Variants in PDZRN3 observed in about 807,000 individuals in gnomAD.
PDZRN3 encodes the protein PDZ domain containing ring finger 3.
In PDZRN3, 38 loss-of-function variants were observed where a neutral mutation model predicts 85.7. That is an observed-to-expected ratio of 0.44 (90% CI 0.34 to 0.58). The LOEUF is 0.58. Among genes scored for constraint, PDZRN3 ranks in the 20% least tolerant of loss-of-function variants. The pLI is 0.01. For synonymous variants in PDZRN3, 759 were observed against 638.0 expected (o/e 1.19, Z -2.86); for missense variants, 1,629 against 1,506.4 (o/e 1.08, Z -1.35).
chr3:73,594,537 A>G (rs970214882), intron 3 of PDZRN3, among the ~76,000 whole-genome samples: 1 of 152,204 alleles, frequency 6.6e-6, no homozygotes, highest in Admixed American at 6.5e-5. Flanking sequence ...AGCAGTAAAT[A>G]CTCCTCCCAT....
At chr3:73,541,877 T>C (rs920009144) in intron 3 of PDZRN3, among the ~76,000 whole-genome samples, 3 of 152,072 alleles carry the variant, frequency 2.0e-5, no homozygotes, top group African/African-American at 7.2e-5. Flanking sequence ...TCATACTATG[T>C]AAATGTTTGT....
At chr3:73,560,348 A>G (rs1701790989) in intron 3 of PDZRN3, among the ~76,000 whole-genome samples, 1 of 152,200 alleles carries the variant, frequency 6.6e-6, no homozygotes, top group African/African-American at 2.4e-5. Context: ...AGAGAGAGTG[A>G]GCGGAATAAG....
At chr3:73,527,339 C>T (rs1704548567) in intron 3 of PDZRN3, among the ~76,000 whole-genome samples, 1 of 152,104 alleles carries the variant, frequency 6.6e-6, no homozygotes, top group African/African-American at 2.4e-5. Context: ...TTTAAGGCCA[C>T]AAGTTATACT....
intron 3 of PDZRN3, among the ~76,000 whole-genome samples, chr3:73,476,873 G>C (rs937242764): frequency 6.6e-6 from 1 of 152,162 alleles, no homozygotes; most frequent in African/African-American, 2.4e-5. Flanking sequence ...CCAGTAGACA[G>C]CTTGACTGCA....
intron 1 of PDZRN3, among the ~76,000 whole-genome samples, chr3:73,609,634 T>G (rs1375577200): frequency 6.6e-6 from 1 of 152,248 alleles, no homozygotes; most frequent in Non-Finnish European, 1.5e-5. Context: ...TATTTAAACA[T>G]GGTAGTATTC....
chr3:73,549,982 G>C (rs1020358745), intron 3 of PDZRN3, among the ~76,000 whole-genome samples: 1 of 152,208 alleles, frequency 6.6e-6, no homozygotes, highest in Non-Finnish European at 1.5e-5. Flanking sequence ...CTGGCTGCCT[G>C]TTAGTGCAGA....
At chr3:73,595,546 A>G (rs1490206949) in intron 3 of PDZRN3, among the ~76,000 whole-genome samples, 1 of 152,228 alleles carries the variant, frequency 6.6e-6, no homozygotes, top group Non-Finnish European at 1.5e-5. Flanking sequence ...ATGAAAGAAA[A>G]TGAAAAAATA....
intron 1 of PDZRN3, among the ~76,000 whole-genome samples, chr3:73,610,354 A>C (rs1302008033): frequency 6.6e-6 from 1 of 152,232 alleles, no homozygotes; most frequent in Non-Finnish European, 1.5e-5. Context: ...GGTTTTTAAA[A>C]AATGTTCTGA....
In PDZRN3 at chr3:73,560,875, G is replaced by A. The variant is rs78340193; in HGVS notation, c.918+41479C>T. 4.8e-3 allele frequency among the ~76,000 whole-genome samples: 730 copies of A among 152,262 alleles called. 1 individual carries two copies. Among genetic ancestry groups the A allele is most frequent in the African/African-American group, 0.017 (706 of 41,560 alleles). ...GGTGACTGACAATGAGTCACGGCTC[G>A]TGCACATGAAATGCGTTTGGCACAT... On this transcript the variant is annotated intron_variant, in intron 3 of 9. Coordinates refer to ENST00000263666, the MANE Select transcript of PDZRN3 (RefSeq NM_015009.3).
intron 1 of PDZRN3, among the ~76,000 whole-genome samples, chr3:73,622,187 G>A (rs1282780241): frequency 1.3e-5 from 2 of 152,194 alleles, no homozygotes; most frequent in African/African-American, 4.8e-5. Flanking sequence ...GTGCCTGTGA[G>A]GTCCTGGGCA....
intron 1 of PDZRN3, among the ~76,000 whole-genome samples, chr3:73,618,231 G>A (rs750673940): frequency 6.6e-6 from 1 of 152,124 alleles, no homozygotes; most frequent in Non-Finnish European, 1.5e-5. Context: ...TAAGAGCACC[G>A]ACCTTGCAGG....
chr3:73,582,512 T>C (rs901890723), intron 3 of PDZRN3, among the ~76,000 whole-genome samples: 1 of 152,160 alleles, frequency 6.6e-6, no homozygotes, highest in Admixed American at 6.5e-5. Flanking sequence ...TTTATATATA[T>C]ATATACAGTT....
chr3:73,402,875 C>A (rs1388288480), intron 4 of PDZRN3, among the ~76,000 whole-genome samples: 5 of 151,446 alleles, frequency 3.3e-5, no homozygotes, highest in African/African-American at 1.2e-4. Flanking sequence ...TGAGAAAACA[C>A]AGGGGCGACC....
intron 3 of PDZRN3, among the ~76,000 whole-genome samples, chr3:73,487,170 C>T (rs1703679006): frequency 6.6e-6 from 1 of 152,010 alleles, no homozygotes; most frequent in South Asian, 2.1e-4. Context: ...TCAATAACTT[C>T]AATATCTCTA....
intron 3 of PDZRN3, among the ~76,000 whole-genome samples, chr3:73,414,024 G>A (rs985583328): frequency 6.6e-6 from 1 of 152,130 alleles, no homozygotes; most frequent in Non-Finnish European, 1.5e-5. Context: ...TTGTCTCAAT[G>A]TGTTTGCCCT....
chr3:73,477,965 A>G (rs1213526977), intron 3 of PDZRN3, among the ~76,000 whole-genome samples: 3 of 152,300 alleles, frequency 2.0e-5, no homozygotes, highest in African/African-American at 4.8e-5. Flanking sequence ...CAACATGGGG[A>G]AAACCTGCCC....
intron 1 of PDZRN3, among the ~76,000 whole-genome samples, chr3:73,618,174 T>G (rs1314862269): frequency 2.6e-5 from 4 of 152,248 alleles, no homozygotes; most frequent in Non-Finnish European, 5.9e-5. Flanking sequence ...TTTAACTTTC[T>G]GAGCTTCTGT....
chr3:73,451,852 C>CAG, intron 3 of PDZRN3, among the ~76,000 whole-genome samples: 1 of 102,410 alleles, frequency 9.8e-6, no homozygotes, highest in Non-Finnish European at 1.6e-5. Context: ...CTTCTCATCA[C>CAG]ACACACACAC....
Position 73,384,948 on chromosome 3 carries a change from C to A in PDZRN3, c.1636-18G>T. 1 of 1,573,230 alleles carries A rather than the reference C, an allele frequency of 6.4e-7. No homozygotes were observed. Among genetic ancestry groups the A allele is most frequent in the Admixed American group, 1.8e-5 (1 of 55,648 alleles). On this transcript the variant is annotated intron_variant, in intron 9 of 9. Coordinates refer to ENST00000263666, the MANE Select transcript of PDZRN3 (RefSeq NM_015009.3). ...TGCTTCTTCTGCATAAACACAAGAA[C>A]AAAGGGTCACAGTGAGGGAGGCCTG...
Sources: gnomAD v4.1 joint callset for allele counts (sites outside exome capture counted in the v4.1 genomes callset) on GRCh38, gnomAD v4.1.1 for gene constraint, MANE v1.5 for transcripts, NCBI Gene and HGNC (gene_info 2026-07-23, HGNC 2026-07-21) for gene names.